The following PLAUR variants were observed in gnomAD, a reference collection of about 807,000 sequenced individuals.
PLAUR encodes the protein urokinase plasminogen activator surface receptor.
A neutral mutation model predicts 33.4 loss-of-function variants in PLAUR; 22 were observed. The observed-to-expected ratio is 0.66, with a 90% CI of 0.47 to 0.94. PLAUR has a LOEUF of 0.94. Ranked by LOEUF, PLAUR falls within the 40% of genes least tolerant of loss-of-function variation. PLAUR has a pLI of 0.00. For synonymous variants in PLAUR, 148 were observed against 167.3 expected, an observed-to-expected ratio of 0.88 and a Z score of 0.89; for missense variants, 408 against 434.7, an observed-to-expected ratio of 0.94 and a Z score of 0.55.
chr19:43,649,247 C>T (rs539957869), intron 6 of PLAUR, 104 bp from the exon 7 acceptor site: 11 of 1,304,486 alleles, frequency 8.4e-6, no homozygotes, highest in Admixed American at 1.9e-5. Context: ...CCTTCACTAC[C>T]ACCTAGAGAA....
chr19:43,669,070 G>C (rs1382829185), intron 1 of PLAUR, among the ~76,000 whole-genome samples: 2 of 152,200 alleles, frequency 1.3e-5, no homozygotes, highest in African/African-American at 4.8e-5. Flanking sequence ...GCCTCCCGCG[G>C]TCTCGAGCGC....
intron 3 of PLAUR, among the ~76,000 whole-genome samples, chr19:43,663,669 T>C (rs1193528549): frequency 6.6e-6 from 1 of 151,398 alleles, no homozygotes; most frequent in Non-Finnish European, 1.5e-5. Context: ...TAATCCCAGC[T>C]ACTTGGGAGG....
At chr19:43,652,522 G>A in intron 5 of PLAUR, 151 bp from the exon 6 acceptor site, 2 of 708,294 alleles carry the variant, frequency 2.8e-6, no homozygotes, top group South Asian at 1.9e-5. Flanking sequence ...GGAGGGGGAT[G>A]GTTTTCGAGG....
intron 6 of PLAUR, 39 bp downstream of exon 6, chr19:43,652,186 C>T (rs552451770): frequency 6.2e-7 from 1 of 1,610,302 alleles, no homozygotes; most frequent in Non-Finnish European, 8.5e-7. Flanking sequence ...CTCTCCACCC[C>T]CAATAAGTGT....
At chr19:43,670,035 C>T (rs1967457526) in intron 1 of PLAUR, 31 bp downstream of exon 1, 1 of 1,610,640 alleles carries the variant, frequency 6.2e-7, no homozygotes, top group African/African-American at 1.3e-5. Flanking sequence ...GACCCTGTTC[C>T]AGGCGCAGGC....
Position 43,648,619 on chromosome 19 carries a change from A to C in PLAUR, c.*271T>G. 2.3e-6 allele frequency: 2 copies of C among 857,240 alleles called. No individual in the cohort carries two copies. Among genetic ancestry groups the C allele is most frequent in the Non-Finnish European group, 1.5e-6 (1 of 665,024 alleles). 53.1% of individuals were successfully genotyped at this position (857,240 alleles called of 1,614,324 possible). A position where few individuals can be genotyped will look rare whatever the true frequency, so the allele number is the denominator to read the frequency against. On this transcript the variant is annotated 3_prime_UTR_variant, in exon 7 of 7. Transcript: ENST00000340093. ...TCTTTATGTAAGTATAAAATAAATAATATGAATATTAATTAATAACAACAA... is the reference window on the plus strand; with the variant it reads ...TCTTTATGTAAGTATAAAATAAATACTATGAATATTAATTAATAACAACAA...
At chr19:43,649,541 A>C (rs7246588) in intron 6 of PLAUR, among the ~76,000 whole-genome samples, 4,483 of 151,016 alleles carry the variant, frequency 0.03, 177 homozygotes, top group African/African-American at 0.098. Flanking sequence ...CCCTGTTTCA[A>C]AAAACAAATA....
chr19:43,656,632 C>T lies in PLAUR; in HGVS notation c.319G>A (p.Val107Ile). The T allele has an allele frequency of 3.1e-6, 5 of 1,598,494 alleles. No individual in the cohort carries two copies. Among genetic ancestry groups the T allele is most frequent in the Non-Finnish European group, 8.5e-7 (1 of 1,170,740 alleles). ...AGGTAACGGCTTCGGGAATAGGTGACAGCCCGGCCTGTTTGGAAGAGGGGG... is the reference window on the plus strand; with the variant it reads ...AGGTAACGGCTTCGGGAATAGGTGATAGCCCGGCCTGTTTGGAAGAGGGGG... ...LCNQGNSGRA[V>I]TYSRSRYLEC... Residue 107 changes from valine to isoleucine, a missense_variant, in exon 4 of 7, where the codon GTC becomes ATC. Coordinates refer to ENST00000340093, the MANE Select transcript of PLAUR (RefSeq NM_002659.4).
chr19:43,663,204 G>A (rs1967077686), intron 3 of PLAUR, among the ~76,000 whole-genome samples: 2 of 151,802 alleles, frequency 1.3e-5, no homozygotes, highest in Admixed American at 6.6e-5. Context: ...AAGTAATTGT[G>A]GTTTCTGCCA....
intron 5 of PLAUR, among the ~76,000 whole-genome samples, chr19:43,652,673 C>A (rs757456563): frequency 6.6e-6 from 1 of 152,182 alleles, no homozygotes; most frequent in South Asian, 2.1e-4. Context: ...ATTTTTGATA[C>A]AGGGTCTCAG....
rs1973871944 is a variant in PLAUR at position 43,648,827 on chromosome 19, G to A, written c.*63C>T. 2 of 1,533,476 alleles carry A rather than the reference G, an allele frequency of 1.3e-6. No individual in the cohort carries two copies. The highest frequency in any genetic ancestry group is 1.4e-5 in the African/African-American group (1 of 73,712). 95.0% of individuals were successfully genotyped at this position (1,533,476 alleles called of 1,614,324 possible). The stretch of plus-strand genomic sequence containing the variant: ...TCACACAGCAAGTCTGTAGGGCTGG[G>A]AGCCGAGGGAAGGGCAAAGGGGTCC... On this transcript the variant is annotated 3_prime_UTR_variant, in exon 7 of 7. Transcript: ENST00000340093.
chr19:43,654,976 T>C (rs956612012), intron 5 of PLAUR, among the ~76,000 whole-genome samples: 1 of 151,942 alleles, frequency 6.6e-6, no homozygotes, highest in Non-Finnish European at 1.5e-5. Flanking sequence ...TACGAAGTTC[T>C]TCTTTGAAGA....
intron 6 of PLAUR, 34 bp from the exon 7 acceptor site, chr19:43,649,177 C>T (rs755950972): frequency 6.3e-7 from 1 of 1,593,302 alleles, no homozygotes; most frequent in Admixed American, 1.7e-5. Flanking sequence ...AGACTTCCAG[C>T]TCCTGGGCCC....
intron 4 of PLAUR, among the ~76,000 whole-genome samples, chr19:43,656,018 G>A (rs1046616130): frequency 6.6e-6 from 1 of 152,152 alleles, no homozygotes; most frequent in East Asian, 1.9e-4. Context: ...ACTTTGGGAG[G>A]TTGAGGCGGG....
In PLAUR at chr19:43,670,144, C is replaced by CGGG. The variant is rs1358948520; in HGVS notation, c.-27_-25dup. 1 of 1,606,722 alleles carries CGGG rather than the reference C, an allele frequency of 6.2e-7. No homozygotes were observed. The highest frequency in any genetic ancestry group is 8.5e-7 in the Non-Finnish European group (1 of 1,176,966). On this transcript the variant is annotated 5_prime_UTR_variant, in exon 1 of 7. Coordinates refer to ENST00000340093, the MANE Select transcript of PLAUR (RefSeq NM_002659.4). The stretch of plus-strand genomic sequence containing the variant: ...ATGTCGCGAGGGCAGCTCCTGTGCG[C>CGGG]GGGGTCCCTGCACGTCTTCTCTCCT...
chr19:43,655,547 G>A lies in PLAUR; in HGVS notation c.499C>T (p.Arg167Cys), dbSNP rs753424409. ...CAGCCGGGAAGGTAGCCACAGCCAC[G>A]GAGGTGGCGGTCATCCTTTGGACGC... ...EGRPKDDRHL[R>C]GCGYLPGCPG... The change falls in exon 5 of 7, where the codon CGT becomes TGT. Residue 167 changes from arginine (R) to cysteine (C), a missense_variant. By Grantham distance (180) the Arg-to-Cys change is radical (BLOSUM62 -3). Transcript: ENST00000340093. 2.2e-5 allele frequency: 35 copies of A among 1,614,030 alleles called. No individual in the cohort carries two copies. The highest frequency in any genetic ancestry group is 5.0e-5 in the Admixed American group (3 of 60,008).
downstream of PLAUR, chr19:43,646,592 T>C (rs1973828335): frequency 1.4e-6 from 1 of 713,402 alleles, no homozygotes; most frequent in African/African-American, 1.8e-5. Flanking sequence ...TAAAACTTGG[T>C]TCCAGAACAT....
chr19:43,651,879 G>A, intron 6 of PLAUR: 2 of 1,039,840 alleles, frequency 1.9e-6, no homozygotes, highest in Non-Finnish European at 2.3e-6. Context: ...ATCCACCAAA[G>A]AATTCCATTT....
At chr19:43,657,901 T>C (rs1029231214) in intron 3 of PLAUR, among the ~76,000 whole-genome samples, 2 of 152,182 alleles carry the variant, frequency 1.3e-5, no homozygotes, top group Non-Finnish European at 2.9e-5. Context: ...CTGGTATTCA[T>C]GCCCTTAAAG....
Sources: allele counts gnomAD v4.1 joint callset (sites outside exome capture counted in the v4.1 genomes callset), GRCh38; gene constraint gnomAD v4.1.1; transcripts MANE v1.5; gene names NCBI Gene and HGNC (gene_info 2026-07-23, HGNC 2026-07-21).